AHCTF1: variants seen among roughly 807,000 people sequenced by gnomAD.
The protein encoded by AHCTF1 is AT-hook containing transcription factor 1, also known as protein ELYS.
AHCTF1 carries 24 observed loss-of-function variants against 248.4 expected under a neutral mutation model. That is an observed-to-expected ratio of 0.10 (90% confidence interval 0.07 to 0.14). The LOEUF (loss-of-function observed/expected upper bound fraction) is 0.14, where lower values mean the gene tolerates loss of function less well. AHCTF1 is among the 10% of genes least tolerant of loss of function. The pLI, the probability that AHCTF1 is intolerant of heterozygous loss-of-function variation, is 1.00. For missense variants in AHCTF1, 2,206 were observed against 2,636.2 expected (o/e 0.84, Z 3.57); for synonymous variants, 786 against 929.8 (o/e 0.85, Z 2.81).
chr1:246,891,020 G>A lies in AHCTF1; in HGVS notation c.1986C>T (p.Leu662=). Residue 662 remains leucine, a synonymous_variant, in exon 16 of 36, where the codon CTC becomes CTT. Coordinates refer to ENST00000648844, the MANE Select transcript of AHCTF1 (RefSeq NM_001323342.2). ...GAACCACTTGTGCATACTGACAGAT[G>A]AGGTGGGAAACCACAAACTTATTGC... The part of the protein sequence containing the change: ...DLSNKFVVSH[L]ICQYAQVVLW... The A allele has an allele frequency of 1.3e-6, 2 of 1,560,302 alleles. No homozygotes were observed. Among genetic ancestry groups the A allele is most frequent in the African/African-American group, 1.4e-5 (1 of 72,258 alleles).
Position 246,898,102 on chromosome 1 carries a change from C to T in AHCTF1, c.1623+106G>A, listed in dbSNP as rs935091683. The stretch of plus-strand genomic sequence containing the variant: ...CTGATCACCCAGAGTCAGCATTACA[C>T]TACTTCACCTATTTTTGCAGAAATT... On this transcript the variant is annotated intron_variant, in intron 12 of 35. Transcript: ENST00000648844. 10 of 1,484,938 alleles carry T rather than the reference C, an allele frequency of 6.7e-6. No homozygotes were observed. The African/African-American group carries it at 7.1e-5, about 10-fold the overall frequency. The allele number at this position is 1,484,938 out of a possible 1,614,324, so 92.0% of individuals were successfully genotyped here. A position where few individuals can be genotyped will look rare whatever the true frequency, so the allele number is the denominator to read the frequency against.
chr1:246,842,749 G>A lies in AHCTF1; in HGVS notation c.6553C>T (p.Leu2185=), dbSNP rs12410563. 74 of 1,613,280 alleles carry A rather than the reference G, an allele frequency of 4.6e-5. No individual in the cohort carries two copies. The highest frequency in any genetic ancestry group is 5.3e-5 in the Non-Finnish European group (63 of 1,179,838). The change falls in exon 35 of 36, where the codon CTG becomes TTG. Residue 2185 remains leucine, a synonymous_variant. Transcript: ENST00000648844. ...LKDDAQSVET[L]GKPKAKRIRT... ...ATTCGTTTCGCTTTTGGCTTTCCCA[G>A]AGTTTCTACTGATTGTGCATCATCT...
chr1:246,921,994 A>G (rs756983877), intron 1 of AHCTF1, among the ~76,000 whole-genome samples: 4 of 152,244 alleles, frequency 2.6e-5, no homozygotes, highest in Non-Finnish European at 4.4e-5. Context: ...TAAACCATAC[A>G]GAGTCTTCTT....
intron 2 of AHCTF1, among the ~76,000 whole-genome samples, chr1:246,917,680 C>G (rs944713391): frequency 6.6e-6 from 1 of 152,160 alleles, no homozygotes; most frequent in African/African-American, 2.4e-5. Flanking sequence ...GTTTTGCTCT[C>G]TGCCTGCTGG....
chr1:246,921,033 AGT>A (rs1666513258), intron 1 of AHCTF1, among the ~76,000 whole-genome samples: 1 of 152,204 alleles, frequency 6.6e-6, no homozygotes, highest in African/African-American at 2.4e-5. Context: ...AGGAGGTTGC[AGT>A]GAACCAAGAC....
intron 21 of AHCTF1, among the ~76,000 whole-genome samples, chr1:246,884,547 C>A (rs533745456): frequency 6.6e-6 from 1 of 152,118 alleles, no homozygotes; most frequent in Non-Finnish European, 1.5e-5. Flanking sequence ...TAAAATAAGT[C>A]TAGTAAGGAA....
intron 17 of AHCTF1, among the ~76,000 whole-genome samples, chr1:246,889,337 T>C (rs1664050659): frequency 6.6e-6 from 1 of 152,210 alleles, no homozygotes; most frequent in South Asian, 2.1e-4. Flanking sequence ...CTCTTTGCGG[T>C]TGTCCAATGA....
At chr1:246,841,884 T>G (rs1374960369) in intron 35 of AHCTF1, among the ~76,000 whole-genome samples, 3 of 151,836 alleles carry the variant, frequency 2.0e-5, no homozygotes, top group Non-Finnish European at 4.4e-5. Context: ...CTCCGCCTCC[T>G]GGGTTCAAGT....
At chr1:246,911,464 C>CT (rs771665371) in intron 4 of AHCTF1, among the ~76,000 whole-genome samples, 3 of 146,022 alleles carry the variant, frequency 2.1e-5, no homozygotes, top group Non-Finnish European at 3.0e-5. Flanking sequence ...GGTATAGTGT[C>CT]TATCTATGAA....
chr1:246,859,519 T>C (rs1661365124), intron 29 of AHCTF1, among the ~76,000 whole-genome samples: 1 of 152,188 alleles, frequency 6.6e-6, no homozygotes, highest in South Asian at 2.1e-4. Flanking sequence ...CAGTAGGAGC[T>C]AACAGGAATA....
rs899090513 is a variant in AHCTF1 at position 246,867,902 on chromosome 1, C to G, written c.3089-91G>C. ...GAAAGAATGATTACACCCCCCCCCC[C>G]ACACACACACACACACACATTACGT... On this transcript the variant is annotated intron_variant, in intron 24 of 35. Transcript: ENST00000648844. 17 of 260,316 alleles carry G rather than the reference C, an allele frequency of 6.5e-5. 2 individuals carry two copies. In the Admixed American group the frequency reaches 1.4e-3, roughly 22 times the overall value. 16.1% of individuals were successfully genotyped at this position (260,316 alleles called of 1,614,324 possible). A position where few individuals can be genotyped will look rare whatever the true frequency, so the allele number is the denominator to read the frequency against.
Position 246,849,865 on chromosome 1 carries a change from T to G in AHCTF1, c.6141A>C (p.Lys2047Asn). Reference sequence around the variant, plus strand: ...TTTGACTTTCAGTCTTTTTTGTAAGTTTTTTCTTAGAGCTCATCACCATCG... The same window carrying G: ...TTTGACTTTCAGTCTTTTTTGTAAGGTTTTTCTTAGAGCTCATCACCATCG... The part of the protein sequence containing the change: ...ELSMVMSSKK[K>N]LTKKTESQSQ... The change falls in exon 33 of 36, where the codon AAA becomes AAC. Residue 2047 changes from lysine (K) to asparagine (N), a missense_variant. Transcript: ENST00000648844. The G allele has an allele frequency of 6.2e-7, 1 of 1,613,840 alleles. No individual in the cohort carries two copies.
intron 21 of AHCTF1, among the ~76,000 whole-genome samples, chr1:246,882,375 A>G (rs1293261831): frequency 6.6e-6 from 1 of 152,210 alleles, no homozygotes; most frequent in East Asian, 1.9e-4. Context: ...TGTGATTACA[A>G]AACAATTTAG....
chr1:246,842,569 G>T, intron 35 of AHCTF1, 125 bp downstream of exon 35: 1 of 676,394 alleles, frequency 1.5e-6, no homozygotes, highest in African/African-American at 1.9e-5. Flanking sequence ...GTGACAGACC[G>T]AGACTCTGTC....
chr1:246,841,615 T>C (rs192812338), intron 35 of AHCTF1, among the ~76,000 whole-genome samples: 2 of 152,230 alleles, frequency 1.3e-5, no homozygotes, highest in Admixed American at 1.3e-4. Context: ...GTGCTTTCTG[T>C]AAAATAATTG....
chr1:246,848,328 C>T (rs1321586306), intron 33 of AHCTF1, among the ~76,000 whole-genome samples: 1 of 151,958 alleles, frequency 6.6e-6, no homozygotes, highest in Non-Finnish European at 1.5e-5. Flanking sequence ...ATTCTCCTGC[C>T]TCAGTCTCCC....
intron 21 of AHCTF1, among the ~76,000 whole-genome samples, chr1:246,878,417 A>AAAG (rs1321622016): frequency 6.6e-6 from 1 of 150,548 alleles, no homozygotes; most frequent in African/African-American, 2.4e-5. Flanking sequence ...AAAAAAAAAA[A>AAAG]AAAAAAAATA....
Position 246,850,179 on chromosome 1 carries a change from C to A in AHCTF1, c.5827G>T (p.Val1943Phe), listed in dbSNP as rs780228627. Residue 1943 changes from valine (V) to phenylalanine (F), a missense_variant, in exon 33 of 36, where the codon GTT becomes TTT. Val to Phe is a conservative substitution (Grantham distance 50, BLOSUM62 -1). This residue lies in a region of AHCTF1 where 469 missense variants were observed against 470.0 expected (regional missense o/e 1.00). Transcript: ENST00000648844. ...KHVRRVRGRE[V>F]SPSDVREDSN... Reference sequence around the variant, plus strand: ...TCTTCTCTCACATCTGATGGACTAACTTCTCTCCCTCTGACCCTTCTAACA... The same window carrying A: ...TCTTCTCTCACATCTGATGGACTAAATTCTCTCCCTCTGACCCTTCTAACA... 1.2e-6 allele frequency: 2 copies of A among 1,605,462 alleles called. No individual in the cohort carries two copies. Among genetic ancestry groups the A allele is most frequent in the Admixed American group, 3.3e-5 (2 of 60,000 alleles).
At chr1:246,871,642 C>A (rs932728890) in intron 24 of AHCTF1, among the ~76,000 whole-genome samples, 2 of 152,166 alleles carry the variant, frequency 1.3e-5, no homozygotes, top group African/African-American at 2.4e-5. Context: ...ATCTTCAGGA[C>A]AGGCTAAGGC....
Sources: gnomAD v4.1 joint callset for allele counts (sites outside exome capture counted in the v4.1 genomes callset) on GRCh38, gnomAD v4.1.1 for gene constraint, gnomAD v4.1.1 regional missense constraint, MANE v1.5 for transcripts, NCBI Gene and HGNC (gene_info 2026-07-23, HGNC 2026-07-21) for gene names.